DOCK4: variants seen among roughly 807,000 people sequenced by gnomAD.
DOCK4 encodes the protein dedicator of cytokinesis 4, also known as dedicator of cytokinesis protein 4.
DOCK4 carries 97 observed loss-of-function variants against 268.1 expected under a neutral mutation model. The ratio of observed to expected loss-of-function variants is 0.36; its 90% confidence interval spans 0.31 to 0.43. DOCK4 has a LOEUF of 0.43. Among genes scored for constraint, DOCK4 ranks in the 20% least tolerant of loss-of-function variants. DOCK4 has a pLI of 1.00. For synonymous variants in DOCK4, 954 were observed against 887.2 expected (o/e 1.08, Z -1.34); for missense variants, 2,145 against 2,455.7 (o/e 0.87, Z 2.67).
rs544850152 is a variant in DOCK4, at chr7:111,846,892, G to A, written c.2601+107C>T. The stretch of plus-strand genomic sequence containing the variant: ...GTCCAGCCCAGCTGGAAATAAAAGT[G>A]GGTCTCAGAGGCTTCCTCTTTAGTG... On this transcript the variant is annotated intron_variant, in intron 24 of 52. Transcript: ENST00000428084. The A allele has an allele frequency of 1.7e-5, 21 of 1,255,200 alleles. No individual in the cohort carries two copies. The East Asian group carries it at 5.3e-4, about 31-fold the overall frequency. The allele number at this position is 1,255,200 out of a possible 1,614,324, so 77.8% of individuals were successfully genotyped here.
intron 1 of DOCK4, among the ~76,000 whole-genome samples, chr7:112,080,201 A>C (rs76740345): frequency 0.14 from 21,261 of 152,108 alleles, 4,693 homozygotes; most frequent in African/African-American, 0.47. Flanking sequence ...ATAGGATGCC[A>C]AGCTAAATAT....
intron 1 of DOCK4, among the ~76,000 whole-genome samples, chr7:112,058,284 T>G (rs1275030605): frequency 6.6e-6 from 1 of 152,144 alleles, no homozygotes; most frequent in African/African-American, 2.4e-5. Flanking sequence ...AATAAATCAT[T>G]AAAGCCTCTG....
intron 36 of DOCK4, among the ~76,000 whole-genome samples, chr7:111,771,425 C>T (rs1798118442): frequency 6.6e-6 from 1 of 152,172 alleles, no homozygotes; most frequent in Non-Finnish European, 1.5e-5. Context: ...CTGTTGCATG[C>T]ACTCTTGCTG....
intron 20 of DOCK4, 139 bp downstream of exon 20, chr7:111,871,851 A>C: frequency 1.6e-4 from 84 of 529,444 alleles, no homozygotes; most frequent in Non-Finnish European, 2.0e-4. Flanking sequence ...TTAGCAGGGA[A>C]GAGACTATCT....
At chr7:111,740,891 G>A (rs1419323630) in intron 47 of DOCK4, among the ~76,000 whole-genome samples, 5 of 151,812 alleles carry the variant, frequency 3.3e-5, no homozygotes, top group South Asian at 2.1e-4. Flanking sequence ...TGCTGATGTC[G>A]TCTTAAAGCG....
chr7:111,899,645 G>A (rs533675165), intron 15 of DOCK4, among the ~76,000 whole-genome samples: 1 of 152,298 alleles, frequency 6.6e-6, no homozygotes, highest in African/African-American at 2.4e-5. Flanking sequence ...AAATGAGGCC[G>A]GGTGTGGTGG....
chr7:111,734,479 A>C lies in DOCK4; in HGVS notation c.5419+575T>G, dbSNP rs1023151953. Among the ~76,000 whole-genome samples the C allele has an allele frequency of 5.9e-5, 9 of 152,226 alleles. No individual in the cohort carries two copies. The East Asian group carries it at 1.3e-3, about 23-fold the overall frequency. On this transcript the variant is annotated intron_variant, in intron 51 of 52. Transcript: ENST00000428084. ...TGGTATTACAGGCATAAGCCAAAAC[A>C]CCTGGCCAAGATTTTGCTGCTTAAA...
At chr7:111,810,164 C>A (rs991876292) in intron 28 of DOCK4, among the ~76,000 whole-genome samples, 1 of 152,058 alleles carries the variant, frequency 6.6e-6, no homozygotes, top group East Asian at 1.9e-4. Flanking sequence ...GAATAAAAGT[C>A]AAGAACAGTC....
intron 8 of DOCK4, among the ~76,000 whole-genome samples, chr7:111,955,171 G>A (rs1312990551): frequency 6.6e-6 from 1 of 152,046 alleles, no homozygotes; most frequent in East Asian, 1.9e-4. Flanking sequence ...TTTTTCCTTG[G>A]CAATAAATGA....
intron 8 of DOCK4, among the ~76,000 whole-genome samples, chr7:111,946,274 G>A (rs1286154476): frequency 1.3e-5 from 2 of 152,150 alleles, no homozygotes; most frequent in East Asian, 1.9e-4. Flanking sequence ...TGTAACACAA[G>A]TAGAGATTTC....
intron 30 of DOCK4, 62 bp from the exon 31 acceptor site, chr7:111,790,667 A>G (rs988152912): frequency 1.4e-6 from 2 of 1,454,926 alleles, no homozygotes. Flanking sequence ...TCAGAAATTA[A>G]TATCATAAAA....
At chr7:111,778,630 CAAT>C (rs1382636384) in intron 35 of DOCK4, among the ~76,000 whole-genome samples, 11 of 152,086 alleles carry the variant, frequency 7.2e-5, no homozygotes, top group Admixed American at 3.9e-4. Context: ...GTTTAAATGT[CAAT>C]GAACAATCAG....
intron 32 of DOCK4, 21 bp downstream of exon 32, chr7:111,788,641 T>C (rs1208313621): frequency 2.6e-6 from 4 of 1,558,652 alleles, no homozygotes; most frequent in Non-Finnish European, 3.5e-6. Context: ...GGAATCAACT[T>C]GAGATAAACA....
At chr7:111,771,871 T>C (rs1798145476) in intron 36 of DOCK4, among the ~76,000 whole-genome samples, 1 of 152,218 alleles carries the variant, frequency 6.6e-6, no homozygotes, top group South Asian at 2.1e-4. Flanking sequence ...CTACTTTCTC[T>C]TAATGACCCA....
intron 1 of DOCK4, among the ~76,000 whole-genome samples, chr7:112,097,578 T>C (rs1243843010): frequency 3.3e-5 from 5 of 152,166 alleles, no homozygotes; most frequent in Non-Finnish European, 7.4e-5. Flanking sequence ...CTCAGGTTGT[T>C]CCATGGGCCT....
chr7:111,843,621 T>C (rs1365990876), intron 25 of DOCK4, among the ~76,000 whole-genome samples: 2 of 152,194 alleles, frequency 1.3e-5, no homozygotes, highest in Non-Finnish European at 2.9e-5. Flanking sequence ...AACTTGTATA[T>C]ATAGTAGAGC....
Position 111,736,935 on chromosome 7 carries a change from G to C in DOCK4, c.5287C>G (p.Leu1763Val), listed in dbSNP as rs1438941846. 1.9e-6 allele frequency: 3 copies of C among 1,603,788 alleles called. No individual in the cohort carries two copies. The highest frequency in any genetic ancestry group is 2.6e-6 in the Non-Finnish European group (3 of 1,175,070). ...DGALPRSDPN[L>V]SAPEKAVNPT... The stretch of plus-strand genomic sequence containing the variant: ...GCCTTACCTTTTTCAGGTGCAGAGA[G>C]ATTTGGGTCACTGCGTGGCAAGGCC... The change falls in exon 50 of 53, where the codon CTC becomes GTC. Residue 1763 changes from leucine (L) to valine (V), a missense_variant. Leu to Val is a conservative substitution (Grantham distance 32). Around this residue, in one of 2 missense-constraint regions of DOCK4, gnomAD observed 547 missense variants for 469.0 expected, o/e 1.17. Transcript: ENST00000428084.
At chr7:111,918,733 G>A (rs1158573481) in intron 12 of DOCK4, among the ~76,000 whole-genome samples, 2 of 152,130 alleles carry the variant, frequency 1.3e-5, no homozygotes, top group African/African-American at 2.4e-5. Context: ...TCTGGTATTT[G>A]TGGAATACTA....
At chr7:111,904,547 GGCATTA>G (rs1393038291) in intron 13 of DOCK4, among the ~76,000 whole-genome samples, 1 of 152,048 alleles carries the variant, frequency 6.6e-6, no homozygotes, top group African/African-American at 2.4e-5. Context: ...GGTTCCAAAG[GGCATTA>G]GCTTCTCAGG....
Sources: allele counts gnomAD v4.1 joint callset (sites outside exome capture counted in the v4.1 genomes callset), GRCh38; gene constraint gnomAD v4.1.1; regional missense constraint gnomAD v4.1.1; transcripts MANE v1.5; gene names NCBI Gene and HGNC (gene_info 2026-07-23, HGNC 2026-07-21).